The following PXDC1 variants were observed in gnomAD, a reference collection of about 807,000 sequenced individuals.
PXDC1 encodes the protein PX domain containing 1.
Under a neutral mutation model 24.4 loss-of-function variants are expected in PXDC1, and 13 were observed. The observed-to-expected ratio is 0.53, with a 90% CI of 0.35 to 0.85. The LOEUF is 0.85. Ranked by LOEUF, PXDC1 falls within the 40% of genes least tolerant of loss-of-function variation. The pLI, the probability that PXDC1 is intolerant of heterozygous loss-of-function variation, is 0.01. For missense variants in PXDC1, 344 were observed against 309.3 expected, an observed-to-expected ratio of 1.11 and a Z score of -0.84; for synonymous variants, 162 against 124.9, an observed-to-expected ratio of 1.30 and a Z score of -1.98.
intron 1 of PXDC1, among the ~76,000 whole-genome samples, chr6:3,749,702 G>C (rs1195097469): frequency 6.6e-6 from 1 of 151,968 alleles, no homozygotes; most frequent in Non-Finnish European, 1.5e-5. Context: ...GCTCTTGTTA[G>C]ACCCTCTACC....
At chr6:3,743,972 G>A (rs1162570280) in intron 1 of PXDC1, among the ~76,000 whole-genome samples, 1 of 152,256 alleles carries the variant, frequency 6.6e-6, no homozygotes, top group African/African-American at 2.4e-5. Flanking sequence ...GCTGGGGGCT[G>A]AGGGAAGTCT....
intron 1 of PXDC1, among the ~76,000 whole-genome samples, chr6:3,745,912 G>T (rs1438901825): frequency 6.6e-6 from 1 of 152,224 alleles, no homozygotes; most frequent in East Asian, 1.9e-4. Flanking sequence ...GTGTAAGTTG[G>T]CAAAAGAGTT....
intron 3 of PXDC1, among the ~76,000 whole-genome samples, chr6:3,730,913 G>A (rs978556876): frequency 9.2e-5 from 14 of 152,222 alleles, no homozygotes; most frequent in African/African-American, 3.4e-4. Flanking sequence ...TGCTACTTAT[G>A]CCTGGAGAGC....
rs1760094676 is a variant in PXDC1, at chr6:3,727,559, T to C, written c.570A>G (p.Thr190=). ...CAAATCAGCATACTTACAAATGCTCTGTTGGGTCCACGCCCAGCTGCTGGT... is the reference window on the plus strand; with the variant it reads ...CAAATCAGCATACTTACAAATGCTCCGTTGGGTCCACGCCCAGCTGCTGGT... ...GRDQQLGVDP[T]EHLFENGSEF... Residue 190 remains threonine (T), a synonymous_variant, in exon 4 of 5, where the codon ACA becomes ACG. Transcript: ENST00000380283. The C allele has an allele frequency of 6.2e-7, 1 of 1,601,334 alleles. No individual in the cohort carries two copies. Among genetic ancestry groups the C allele is most frequent in the African/African-American group, 1.3e-5 (1 of 74,676 alleles).
intron 3 of PXDC1, among the ~76,000 whole-genome samples, chr6:3,734,196 T>C (rs1260959334): frequency 1.3e-5 from 2 of 152,214 alleles, no homozygotes; most frequent in African/African-American, 4.8e-5. Context: ...AGGGTCCACG[T>C]GGGCCATGTG....
chr6:3,740,385 AT>A (rs1327265760), intron 1 of PXDC1, among the ~76,000 whole-genome samples: 1 of 152,220 alleles, frequency 6.6e-6, no homozygotes, highest in African/African-American at 2.4e-5. Flanking sequence ...TTAAATACGA[AT>A]TTCAGATAAA....
intron 1 of PXDC1, among the ~76,000 whole-genome samples, chr6:3,748,450 G>A: frequency 6.6e-6 from 1 of 152,114 alleles, no homozygotes; most frequent in East Asian, 1.9e-4. Context: ...GTCCAGGAGA[G>A]AGCGCTAGTG....
intron 4 of PXDC1, among the ~76,000 whole-genome samples, chr6:3,726,725 G>A (rs1345022665): frequency 1.3e-5 from 2 of 152,232 alleles, no homozygotes; most frequent in Admixed American, 1.3e-4. Flanking sequence ...AAATGCGTGG[G>A]GCAAGACCCG....
At position 3,751,564 on chromosome 6, in the gene PXDC1, G is replaced by A. The variant is rs1297606979; in HGVS notation, c.-33C>T. 1.3e-6 allele frequency: 2 copies of A among 1,482,240 alleles called. No individual in the cohort carries two copies. The highest frequency in any genetic ancestry group is 1.8e-6 in the Non-Finnish European group (2 of 1,119,684). 91.8% of individuals were successfully genotyped at this position (1,482,240 alleles called of 1,614,324 possible). On this transcript the variant is annotated 5_prime_UTR_variant, in exon 1 of 5. Transcript: ENST00000380283. ...GCATGCCCCCGCCAAGGGCTCCCCA[G>A]CCCCGCCGCCCGCCCGCCCGCAGGA...
At chr6:3,741,852 T>C (rs1217606118) in intron 1 of PXDC1, among the ~76,000 whole-genome samples, 2 of 152,218 alleles carry the variant, frequency 1.3e-5, no homozygotes, top group Admixed American at 1.3e-4. Context: ...TCCCCTTCAA[T>C]TGTTTTTAAA....
At chr6:3,741,515 T>C (rs1760448083) in intron 1 of PXDC1, among the ~76,000 whole-genome samples, 1 of 152,214 alleles carries the variant, frequency 6.6e-6, no homozygotes, top group Non-Finnish European at 1.5e-5. Context: ...TGGATCAGCT[T>C]TCTCAGGACA....
At position 3,751,514 on chromosome 6, in the gene PXDC1, A is replaced by G; in HGVS notation, c.18T>C (p.Phe6=). 3 of 1,596,054 alleles carry G rather than the reference A, an allele frequency of 1.9e-6. No homozygotes were observed. The highest frequency in any genetic ancestry group is 2.6e-6 in the Non-Finnish European group (3 of 1,173,696). Residue 6 remains phenylalanine (F), a synonymous_variant, in exon 1 of 5, where the codon TTT becomes TTC. Transcript: ENST00000380283. The part of the protein sequence containing the change: MASAV[F]EGTSLVNMFV... ...ACATGTTCACGAGCGACGTGCCCTC[A>G]AACACCGCCGAGGCCATGTCGCACG...
chr6:3,744,148 C>A (rs138593331), intron 1 of PXDC1, among the ~76,000 whole-genome samples: 115 of 152,332 alleles, frequency 7.5e-4, no homozygotes, highest in African/African-American at 2.6e-3. Flanking sequence ...AAAGCCAAAT[C>A]CTCTTCCTAA....
chr6:3,738,808 C>A (rs1161271699), intron 1 of PXDC1: 1 of 1,303,136 alleles, frequency 7.7e-7, no homozygotes, highest in Admixed American at 2.3e-5. Flanking sequence ...TAGCTCGAGG[C>A]ATGAAGGCTC....
intron 1 of PXDC1, among the ~76,000 whole-genome samples, chr6:3,742,379 T>C (rs771119994): frequency 2.0e-5 from 3 of 152,258 alleles, no homozygotes; most frequent in Admixed American, 6.5e-5. Flanking sequence ...CTAAAACTTT[T>C]GGTTTTTATA....
chr6:3,732,281 C>A (rs1014978920), intron 3 of PXDC1, among the ~76,000 whole-genome samples: 4 of 152,210 alleles, frequency 2.6e-5, no homozygotes, highest in African/African-American at 9.7e-5. Context: ...TCCCTTTCAC[C>A]TCCTCTCTCC....
chr6:3,742,968 T>C (rs1759710208), intron 1 of PXDC1, among the ~76,000 whole-genome samples: 1 of 152,220 alleles, frequency 6.6e-6, no homozygotes, highest in South Asian at 2.1e-4. Flanking sequence ...AACACCTGAT[T>C]TGTTCTTGGA....
intron 1 of PXDC1, among the ~76,000 whole-genome samples, chr6:3,745,756 T>C: frequency 6.6e-6 from 1 of 152,198 alleles, no homozygotes; most frequent in East Asian, 1.9e-4. Flanking sequence ...TGATCTTCTA[T>C]GATGAGACTG....
At chr6:3,749,145 A>T (rs1760640638) in intron 1 of PXDC1, among the ~76,000 whole-genome samples, 2 of 151,824 alleles carry the variant, frequency 1.3e-5, no homozygotes, top group Non-Finnish European at 2.9e-5. Flanking sequence ...CAAGGACTAG[A>T]ATGAAGGCAG....
Sources: gnomAD v4.1 joint callset for allele counts (sites outside exome capture counted in the v4.1 genomes callset) on GRCh38, gnomAD v4.1.1 for gene constraint, MANE v1.5 for transcripts, NCBI Gene and HGNC (gene_info 2026-07-23, HGNC 2026-07-21) for gene names.